Variants in KYAT3 observed in about 807,000 individuals in gnomAD.
The protein encoded by KYAT3 is kynurenine aminotransferase 3.
KYAT3 carries 50 observed loss-of-function variants against 59.0 expected under a neutral mutation model. The observed-to-expected ratio is 0.85, with a 90% CI of 0.68 to 1.07. The LOEUF (loss-of-function observed/expected upper bound fraction) is 1.07. Ranked by LOEUF, KYAT3 falls within the 50% of genes least tolerant of loss-of-function variation. KYAT3 has a pLI of 0.00. For missense variants in KYAT3, 497 were observed against 533.3 expected (o/e 0.93, Z 0.67); for synonymous variants, 148 against 177.0 (o/e 0.84, Z 1.30).
intron 8 of KYAT3, among the ~76,000 whole-genome samples, chr1:88,957,866 A>G (rs1206820838): frequency 6.6e-6 from 1 of 152,192 alleles, no homozygotes; most frequent in Non-Finnish European, 1.5e-5. Flanking sequence ...AAACAGTTCA[A>G]ATTACTTGAG....
chr1:88,983,924 T>TGAACCTAGCA, intron 2 of KYAT3: 6 of 1,409,170 alleles, frequency 4.3e-6, no homozygotes, highest in Non-Finnish European at 6.0e-6. Context: ...CAGTGGCGGC[T>TGAACCTAGCA]GTCAGTTAGG....
intron 4 of KYAT3, among the ~76,000 whole-genome samples, chr1:88,967,961 G>T (rs1304170649): frequency 6.6e-6 from 1 of 152,128 alleles, no homozygotes; most frequent in Non-Finnish European, 1.5e-5. Flanking sequence ...GTGGGCCAGG[G>T]AGTGAGATCT....
chr1:88,931,880 CAAAAAAAAAAAAAAA>C (rs57089214), downstream of KYAT3, among the ~76,000 whole-genome samples: 90 of 30,992 alleles, frequency 2.9e-3, no homozygotes, highest in African/African-American at 8.7e-3. Flanking sequence ...CCTGCAACTG[CAAAAAAAAAAAAAAA>C]AAAAAAAAAA....
chr1:88,961,416 T>G lies in KYAT3; in HGVS notation c.631A>C (p.Ile211Leu), dbSNP rs1485140217. The change falls in exon 7 of 14, where the codon ATT (isoleucine) becomes CTT (leucine). Residue 211 changes from isoleucine to leucine, a missense_variant. Ile to Leu is a conservative substitution (Grantham distance 5). This residue lies in a region of KYAT3 where 469 missense variants were observed against 479.1 expected (regional missense o/e 0.98). Coordinates refer to ENST00000260508, the MANE Select transcript of KYAT3 (RefSeq NM_001008661.3). Reference sequence around the variant, plus strand: ...GGGTTATGTGGAGTATTTAGTATAATAGCTTTGGTTTTGGAATTAAATTTA... The same window carrying G: ...GGGTTATGTGGAGTATTTAGTATAAGAGCTTTGGTTTTGGAATTAAATTTA... ...ESKFNSKTKAIILNTPHNPLG... is the reference protein window; with the variant it reads ...ESKFNSKTKALILNTPHNPLG... The G allele has an allele frequency of 7.4e-6, 12 of 1,613,964 alleles. No individual in the cohort carries two copies. The highest frequency in any genetic ancestry group is 1.0e-5 in the Non-Finnish European group (12 of 1,179,890).
At chr1:88,943,621 A>G (rs1231046704) in intron 11 of KYAT3, among the ~76,000 whole-genome samples, 198 bp from the exon 12 acceptor site, 1 of 152,220 alleles carries the variant, frequency 6.6e-6, no homozygotes, top group Non-Finnish European at 1.5e-5. Flanking sequence ...AGCTTTACTG[A>G]TAGTCTAAGG....
chr1:88,987,155 G>A (rs1316575586), intron 2 of KYAT3, among the ~76,000 whole-genome samples: 1 of 152,174 alleles, frequency 6.6e-6, no homozygotes, highest in African/African-American at 2.4e-5. Context: ...CAGATATGTA[G>A]AATTAGAATG....
At chr1:88,956,571 C>T (rs1011284840) in intron 8 of KYAT3, among the ~76,000 whole-genome samples, 1 of 152,076 alleles carries the variant, frequency 6.6e-6, no homozygotes, top group African/African-American at 2.4e-5. Context: ...AACTGTAATG[C>T]AGTGTGATAA....
chr1:88,965,229 A>G (rs573895871), intron 4 of KYAT3, among the ~76,000 whole-genome samples: 1 of 152,356 alleles, frequency 6.6e-6, no homozygotes, highest in South Asian at 2.1e-4. Flanking sequence ...TTGGGATTAT[A>G]TAATTTCAAA....
rs545021986 is a variant in KYAT3, at chr1:88,963,952, C to T, written c.453+877G>A. 1.2e-4 allele frequency among the ~76,000 whole-genome samples: 18 copies of T among 152,220 alleles called. 1 individual carries two copies. The highest frequency in any genetic ancestry group is 1.2e-4 in the African/African-American group (5 of 41,462). On this transcript the variant is annotated intron_variant, in intron 5 of 13. Coordinates refer to ENST00000260508, the MANE Select transcript of KYAT3 (RefSeq NM_001008661.3). The stretch of plus-strand genomic sequence containing the variant: ...GCGTGGTGGCTCACGCCTGTAATCC[C>T]AGCACTTTGGGAGGCTGAGGCAGGC...
Position 88,964,934 on chromosome 1 carries a change from C to T in KYAT3, c.348G>A (p.Lys116=), listed in dbSNP as rs775530870. 1 of 1,610,678 alleles carries T rather than the reference C, an allele frequency of 6.2e-7. No individual in the cohort carries two copies. Among genetic ancestry groups the T allele is most frequent in the Non-Finnish European group, 8.5e-7 (1 of 1,179,048 alleles). The change falls in exon 5 of 14, where the codon AAG becomes AAA. Residue 116 remains lysine, a synonymous_variant. Coordinates refer to ENST00000260508, the MANE Select transcript of KYAT3 (RefSeq NM_001008661.3). ...TTGAATCAATTTGCTTTTGATAAAGCTTTTCATACAGATAGGACAGAGCTT... is the reference window on the plus strand; with the variant it reads ...TTGAATCAATTTGCTTTTGATAAAGTTTTTCATACAGATAGGACAGAGCTT... The part of the protein sequence containing the change: ...LVKALSYLYE[K]LYQKQIDSNK...
Position 88,953,524 on chromosome 1 carries a change from C to T in KYAT3, c.865-372G>A, listed in dbSNP as rs369650800. 1.7e-4 allele frequency among the ~76,000 whole-genome samples: 22 copies of T among 129,164 alleles called. 1 individual carries two copies. Among genetic ancestry groups the T allele is most frequent in the African/African-American group, 6.1e-4 (21 of 34,310 alleles). 84.7% of individuals were successfully genotyped at this position (129,164 alleles called of 152,430 possible). A position where few individuals can be genotyped will look rare whatever the true frequency, so the allele number is the denominator to read the frequency against. On this transcript the variant is annotated intron_variant, in intron 9 of 13. Coordinates refer to ENST00000260508, the MANE Select transcript of KYAT3 (RefSeq NM_001008661.3). ...TCACAGCACTGCACTCCAACCTGGG[C>T]AACAGAGTGAGACTCTATCTCAAAA... is the stretch of plus-strand genomic sequence containing the variant.
At chr1:88,989,185 T>G (rs893601328) in intron 1 of KYAT3, among the ~76,000 whole-genome samples, 2 of 152,200 alleles carry the variant, frequency 1.3e-5, no homozygotes, top group African/African-American at 4.8e-5. Context: ...GTCTAACAGT[T>G]ATCAAACCTT....
chr1:88,977,326 C>T (rs1227114936), intron 2 of KYAT3, among the ~76,000 whole-genome samples: 2 of 152,004 alleles, frequency 1.3e-5, no homozygotes, highest in African/African-American at 2.4e-5. Context: ...CTCAGCTTCC[C>T]GAGTAGCTGG....
At chr1:88,974,302 C>T (rs1676674796) in intron 2 of KYAT3, among the ~76,000 whole-genome samples, 1 of 152,046 alleles carries the variant, frequency 6.6e-6, no homozygotes, top group African/African-American at 2.4e-5. Context: ...TAACAAAGTA[C>T]TGTATCTTAA....
At position 88,976,313 on chromosome 1, in the gene KYAT3, C is replaced by T. The variant is rs188062920; in HGVS notation, c.100-6846G>A. Among the ~76,000 whole-genome samples, 145 of 150,914 alleles carry T rather than the reference C, an allele frequency of 9.6e-4. 1 individual carries two copies. The highest frequency in any genetic ancestry group is 3.3e-3 in the African/African-American group (134 of 41,060). ...CAGAGGTTGCAGTAAGCCGAGATCA[C>T]GCCACTGCACCCCAGCCTGGGTAAC... On this transcript the variant is annotated intron_variant, in intron 2 of 13. Coordinates refer to ENST00000260508, the MANE Select transcript of KYAT3 (RefSeq NM_001008661.3).
intron 2 of KYAT3, among the ~76,000 whole-genome samples, chr1:88,973,940 C>T (rs1160418813): frequency 2.0e-5 from 3 of 152,122 alleles, no homozygotes; most frequent in Non-Finnish European, 2.9e-5. Context: ...TGGGCTGAAG[C>T]TGGGAGAATT....
chr1:88,979,337 T>A (rs1389679238), intron 2 of KYAT3: 1 of 152,210 alleles, frequency 6.6e-6, no homozygotes, highest in African/African-American at 2.4e-5. Flanking sequence ...TGTTAATTAT[T>A]ATTAAGGCTT....
upstream of KYAT3, chr1:88,992,767 G>C (rs2101113928): frequency 1.3e-5 from 2 of 152,464 alleles, no homozygotes; most frequent in East Asian, 3.9e-4. Context: ...GACTGGATGA[G>C]GGGTGTTTTT....
At chr1:88,931,190 C>T (rs916132102), downstream of KYAT3, among the ~76,000 whole-genome samples, 6 of 152,130 alleles carry the variant, frequency 3.9e-5, no homozygotes, top group Non-Finnish European at 7.3e-5. Flanking sequence ...TTTACTGGAC[C>T]AGGCCTTTTC....
Sources: allele counts gnomAD v4.1 joint callset (sites outside exome capture counted in the v4.1 genomes callset), GRCh38; gene constraint gnomAD v4.1.1; regional missense constraint gnomAD v4.1.1; transcripts MANE v1.5; gene names NCBI Gene and HGNC (gene_info 2026-07-23, HGNC 2026-07-21).